Variants in FMN2 observed in about 807,000 individuals in gnomAD.
FMN2 encodes the protein formin-2.
In FMN2, 51 loss-of-function variants were observed where a neutral mutation model predicts 142.3. The ratio of observed to expected loss-of-function variants is 0.36; its 90% CI spans 0.29 to 0.45. The LOEUF (loss-of-function observed/expected upper bound fraction) is 0.45. Ranked by LOEUF, FMN2 falls within the 20% of genes least tolerant of loss-of-function variation. The pLI, the probability that FMN2 is intolerant of heterozygous loss-of-function variation, is 1.00. For synonymous variants in FMN2, 882 were observed against 869.8 expected, an observed-to-expected ratio of 1.01 and a Z score of -0.25; for missense variants, 1,936 against 2,122.8, an observed-to-expected ratio of 0.91 and a Z score of 1.73.
chr1:240,161,586 A>C (rs1664284445), intron 2 of FMN2, among the ~76,000 whole-genome samples: 1 of 152,104 alleles, frequency 6.6e-6, no homozygotes, highest in Admixed American at 6.5e-5. Context: ...ATCAAGACTT[A>C]TTATAATGCA....
chr1:240,274,432 G>A (rs562097325), intron 7 of FMN2, among the ~76,000 whole-genome samples: 1 of 152,210 alleles, frequency 6.6e-6, no homozygotes, highest in East Asian at 1.9e-4. Flanking sequence ...GAGAGTGCCT[G>A]GAGAGAGCAC....
intron 7 of FMN2, among the ~76,000 whole-genome samples, chr1:240,292,477 A>G (rs1453139745): frequency 6.6e-6 from 1 of 152,206 alleles, no homozygotes; most frequent in African/African-American, 2.4e-5. Context: ...ACTTCAAATC[A>G]TTATTACTCA....
At chr1:240,227,346 T>C (rs141673990) in intron 6 of FMN2, among the ~76,000 whole-genome samples, 223 of 152,288 alleles carry the variant, frequency 1.5e-3, no homozygotes, top group African/African-American at 5.1e-3. Context: ...AGACTTGATA[T>C]TGTTAAGATG....
At position 240,206,891 on chromosome 1, in the gene FMN2, A is replaced by G; in HGVS notation, c.2079A>G (p.Leu693=). 6.2e-7 allele frequency: 1 copy of G among 1,614,204 alleles called. No homozygotes were observed. Among genetic ancestry groups the G allele is most frequent in the Non-Finnish European group, 8.5e-7 (1 of 1,180,018 alleles). The part of the protein sequence containing the change: ...IEDLRTKIAE[L]ERQYPALDTE... The stretch of plus-strand genomic sequence containing the variant: ...ATCTGAGAACCAAAATAGCTGAACT[A>G]GAGAGGCAGTATCCTGCCCTGGACA... The change falls in exon 5 of 18, where the codon CTA becomes CTG. Residue 693 remains leucine, a synonymous_variant. Coordinates refer to ENST00000319653, the MANE Select transcript of FMN2 (RefSeq NM_020066.5).
intron 8 of FMN2, among the ~76,000 whole-genome samples, chr1:240,296,196 T>C (rs1378352010): frequency 7.2e-6 from 1 of 138,038 alleles, no homozygotes; most frequent in Non-Finnish European, 1.6e-5. Context: ...TGTAGTACTT[T>C]TTTTTTTTTT....
intron 4 of FMN2, among the ~76,000 whole-genome samples, chr1:240,190,418 G>A (rs534567389): frequency 6.6e-6 from 1 of 152,280 alleles, no homozygotes; most frequent in South Asian, 2.1e-4. Flanking sequence ...ATATGGATAT[G>A]TTTCATGACA....
At chr1:240,287,170 G>A (rs961140661) in intron 7 of FMN2, among the ~76,000 whole-genome samples, 3 of 152,094 alleles carry the variant, frequency 2.0e-5, no homozygotes, top group Non-Finnish European at 2.9e-5. Context: ...TTTTAAAGTC[G>A]AAATGACATG....
chr1:240,392,557 T>C lies in FMN2; in HGVS notation c.4905T>C (p.His1635=). The C allele has an allele frequency of 2.5e-6, 4 of 1,607,770 alleles. No individual in the cohort carries two copies. Among genetic ancestry groups the C allele is most frequent in the Middle Eastern group, 1.7e-4 (1 of 6,048 alleles). The part of the protein sequence containing the change: ...EAEENSLTET[H]KCFLETTAYF... Reference sequence around the variant, plus strand: ...AGGAAAATTCACTGACAGAGACTCATAAATGGTGAGAAATTACTTTATTTC... The same window carrying C: ...AGGAAAATTCACTGACAGAGACTCACAAATGGTGAGAAATTACTTTATTTC... The change falls in exon 15 of 18, where the codon CAT becomes CAC. Residue 1635 remains histidine, a synonymous_variant. Transcript: ENST00000319653.
intron 13 of FMN2, among the ~76,000 whole-genome samples, chr1:240,355,437 G>A (rs901018519): frequency 3.6e-4 from 54 of 152,036 alleles, no homozygotes; most frequent in African/African-American, 1.2e-3. Flanking sequence ...ACTCTGTGCC[G>A]GGCATTATTC....
At chr1:240,142,603 C>T in intron 2 of FMN2, 1 of 1,481,510 alleles carries the variant, frequency 6.7e-7, no homozygotes, top group Non-Finnish European at 9.2e-7. Flanking sequence ...CTGTGTCCAC[C>T]CTTGGCAGCA....
intron 14 of FMN2, among the ~76,000 whole-genome samples, chr1:240,367,676 A>G (rs191312172): frequency 0.012 from 1,858 of 151,204 alleles, 39 homozygotes; most frequent in African/African-American, 0.041. Context: ...GCTGAGGCAA[A>G]AGAATGGCGT....
intron 8 of FMN2, among the ~76,000 whole-genome samples, chr1:240,321,689 T>C (rs1670978516): frequency 6.6e-6 from 1 of 152,188 alleles, no homozygotes; most frequent in Non-Finnish European, 1.5e-5. Context: ...TAGATTCTTT[T>C]CCTATACTTC....
intron 15 of FMN2, among the ~76,000 whole-genome samples, chr1:240,424,426 C>A (rs1340527966): frequency 6.6e-6 from 1 of 152,086 alleles, no homozygotes; most frequent in East Asian, 1.9e-4. Context: ...CTCTTGGAAA[C>A]CAGACATATT....
chr1:240,204,469 G>A (rs2103379145), intron 4 of FMN2, among the ~76,000 whole-genome samples: 1 of 152,290 alleles, frequency 6.6e-6, no homozygotes, highest in Middle Eastern at 3.4e-3. Flanking sequence ...TACATTTCTA[G>A]ACCATGTGCG....
At chr1:240,434,465 A>AT (rs1219221949) in intron 15 of FMN2, among the ~76,000 whole-genome samples, 1 of 152,212 alleles carries the variant, frequency 6.6e-6, no homozygotes, top group Admixed American at 6.5e-5. Context: ...ATAACCAAAA[A>AT]TGCCTCTGGC....
At chr1:240,107,673 G>T (rs1244275694) in intron 1 of FMN2, among the ~76,000 whole-genome samples, 1 of 151,792 alleles carries the variant, frequency 6.6e-6, no homozygotes, top group Non-Finnish European at 1.5e-5. Flanking sequence ...AGATTTATTA[G>T]ATTAAATTTC....
At chr1:240,130,480 T>G (rs1355881553) in intron 2 of FMN2, among the ~76,000 whole-genome samples, 1 of 152,120 alleles carries the variant, frequency 6.6e-6, no homozygotes, top group African/African-American at 2.4e-5. Context: ...TTTTTTGTAT[T>G]TTTAGTAGAA....
chr1:240,171,757 T>C (rs1664710698), intron 2 of FMN2, among the ~76,000 whole-genome samples: 1 of 152,222 alleles, frequency 6.6e-6, no homozygotes, highest in African/African-American at 2.4e-5. Context: ...GGTGTTGTTA[T>C]TTATAACCTA....
intron 16 of FMN2, among the ~76,000 whole-genome samples, chr1:240,443,025 A>G (rs957928041): frequency 6.6e-6 from 1 of 152,232 alleles, no homozygotes; most frequent in Non-Finnish European, 1.5e-5. Context: ...GAATGCCTAT[A>G]CTGTTTTTCC....
Sources: allele counts gnomAD v4.1 joint callset (sites outside exome capture counted in the v4.1 genomes callset), GRCh38; gene constraint gnomAD v4.1.1; transcripts MANE v1.5; gene names NCBI Gene and HGNC (gene_info 2026-07-23, HGNC 2026-07-21).